The following SNAP25 variants were observed in gnomAD, a reference collection of about 807,000 sequenced individuals.
SNAP25 encodes synaptosomal-associated protein 25.
Under a neutral mutation model 28.7 loss-of-function variants are expected in SNAP25, and 3 were observed. The observed-to-expected ratio is 0.10, with a 90% CI of 0.05 to 0.27. SNAP25 has a LOEUF of 0.27. SNAP25 is among the 10% of genes least tolerant of loss of function. The pLI, the probability that SNAP25 is intolerant of heterozygous loss-of-function variation, is 1.00. For missense variants in SNAP25, 117 were observed against 278.7 expected, an observed-to-expected ratio of 0.42 and a Z score of 4.13; for synonymous variants, 61 against 88.1, an observed-to-expected ratio of 0.69 and a Z score of 1.72.
chr20:10,301,666 C>CT (rs1458971914), intron 7 of SNAP25, among the ~76,000 whole-genome samples: 2 of 151,918 alleles, frequency 1.3e-5, no homozygotes, highest in African/African-American at 4.8e-5. Flanking sequence ...CAACAGCAAC[C>CT]TTTACCCAGC....
intron 7 of SNAP25, among the ~76,000 whole-genome samples, chr20:10,304,882 A>G (rs1455621298): frequency 6.6e-6 from 1 of 152,200 alleles, no homozygotes; most frequent in Non-Finnish European, 1.5e-5. Context: ...ACGGATGCTC[A>G]CAACACTTGA....
chr20:10,223,517 G>A (rs188821319), intron 1 of SNAP25, among the ~76,000 whole-genome samples: 7 of 152,178 alleles, frequency 4.6e-5, no homozygotes, highest in South Asian at 2.1e-4. Flanking sequence ...ACTACCTAGG[G>A]GAAACTTAGA....
chr20:10,279,191 A>C (rs1346021178), intron 3 of SNAP25, among the ~76,000 whole-genome samples: 1 of 152,238 alleles, frequency 6.6e-6, no homozygotes, highest in Non-Finnish European at 1.5e-5. Flanking sequence ...CAAGACTCTT[A>C]GCATGGACTT....
intron 1 of SNAP25, among the ~76,000 whole-genome samples, chr20:10,240,112 A>G (rs1393956322): frequency 6.6e-6 from 1 of 152,060 alleles, no homozygotes; most frequent in East Asian, 1.9e-4. Context: ...TCCACTTCCA[A>G]GCTCATTCAG....
At chr20:10,269,458 A>G (rs1007285840) in intron 1 of SNAP25, among the ~76,000 whole-genome samples, 4 of 152,220 alleles carry the variant, frequency 2.6e-5, no homozygotes, top group African/African-American at 9.6e-5. Flanking sequence ...CCACCTTAGA[A>G]GCTCCATGAA....
Position 10,306,424 on chromosome 20 carries a change from C to T in SNAP25, c.*227C>T. ...TGTACATAGTGGTCATTTGGTGGCT[C>T]TAACTCCTTGAGGTCTTGAGTTTCA... On this transcript the variant is annotated 3_prime_UTR_variant, in exon 8 of 8. Transcript: ENST00000254976. The T allele has an allele frequency of 2.3e-6, 1 of 435,102 alleles. No homozygotes were observed. Among genetic ancestry groups the T allele is most frequent in the Non-Finnish European group, 4.1e-6 (1 of 242,002 alleles). The allele number at this position is 435,102 out of a possible 1,614,324, so 27.0% of individuals were successfully genotyped here. A position where few individuals can be genotyped will look rare whatever the true frequency, so the allele number is the denominator to read the frequency against.
Position 10,306,280 on chromosome 20 carries a change from C to A in SNAP25, c.*83C>A. The A allele has an allele frequency of 1.6e-6, 2 of 1,281,242 alleles. No homozygotes were observed. Among genetic ancestry groups the A allele is most frequent in the South Asian group, 1.2e-5 (1 of 81,446 alleles). 79.4% of individuals were successfully genotyped at this position (1,281,242 alleles called of 1,614,324 possible). A position where few individuals can be genotyped will look rare whatever the true frequency, so the allele number is the denominator to read the frequency against. On this transcript the variant is annotated 3_prime_UTR_variant, in exon 8 of 8. Transcript: ENST00000254976. ...TTTCTCATGGTATTATCTAGTAGGT[C>A]TGCACACATAACACACATCAGTCCA...
intron 1 of SNAP25, among the ~76,000 whole-genome samples, chr20:10,237,907 C>T (rs774592317): frequency 2.1e-4 from 32 of 152,162 alleles, no homozygotes; most frequent in Non-Finnish European, 3.5e-4. Context: ...GCCCCCATAC[C>T]ACCATTTCTC....
chr20:10,227,199 T>C (rs2062748336), intron 1 of SNAP25, among the ~76,000 whole-genome samples: 1 of 152,156 alleles, frequency 6.6e-6, no homozygotes, highest in Non-Finnish European at 1.5e-5. Flanking sequence ...AATTCACCTC[T>C]TACCAATGAG....
chr20:10,228,847 C>T (rs1022903916), intron 1 of SNAP25, among the ~76,000 whole-genome samples: 1 of 152,134 alleles, frequency 6.6e-6, no homozygotes, highest in Non-Finnish European at 1.5e-5. Context: ...CCATATGCTT[C>T]TTTTCCTCTT....
chr20:10,281,700 A>G (rs1360703961), intron 3 of SNAP25, among the ~76,000 whole-genome samples: 2 of 152,180 alleles, frequency 1.3e-5, no homozygotes, highest in Non-Finnish European at 2.9e-5. Context: ...CATCTCTTAC[A>G]ATCATTATTT....
intron 5 of SNAP25, chr20:10,296,709 T>C: frequency 1.7e-6 from 1 of 578,780 alleles, no homozygotes; most frequent in Non-Finnish European, 2.9e-6. Flanking sequence ...AAGATTGCAG[T>C]CCATTGCAAT....
At chr20:10,241,478 C>T (rs891232364) in intron 1 of SNAP25, among the ~76,000 whole-genome samples, 3 of 151,968 alleles carry the variant, frequency 2.0e-5, no homozygotes, top group African/African-American at 4.8e-5. Context: ...TATTTCCTCT[C>T]GGGGTGATTA....
At chr20:10,290,380 TC>T (rs1242932337) in intron 4 of SNAP25, among the ~76,000 whole-genome samples, 3 of 152,232 alleles carry the variant, frequency 2.0e-5, no homozygotes, top group Non-Finnish European at 2.9e-5. Flanking sequence ...TCAACTATTT[TC>T]TGAATAGTTT....
chr20:10,276,711 G>A (rs2063697710), intron 2 of SNAP25, among the ~76,000 whole-genome samples: 2 of 152,198 alleles, frequency 1.3e-5, no homozygotes, highest in Admixed American at 1.3e-4. Context: ...AGTTTTCTGT[G>A]AGAATCAATT....
intron 4 of SNAP25, chr20:10,292,740 A>G (rs1419090340): frequency 1.3e-5 from 8 of 611,444 alleles, no homozygotes; most frequent in Non-Finnish European, 2.3e-5. Context: ...GGGCAGCGGT[A>G]GCAGTCTTCA....
intron 1 of SNAP25, among the ~76,000 whole-genome samples, chr20:10,273,214 TAA>T (rs931076533): frequency 5.3e-5 from 8 of 152,254 alleles, no homozygotes; most frequent in African/African-American, 1.7e-4. Context: ...ATGCAAATAA[TAA>T]TAATAATAAA....
chr20:10,237,224 G>C (rs1490456189), intron 1 of SNAP25, among the ~76,000 whole-genome samples: 1 of 152,090 alleles, frequency 6.6e-6, no homozygotes, highest in Non-Finnish European at 1.5e-5. Flanking sequence ...CTCTCTCAGA[G>C]AGAGTGTACA....
In SNAP25 at chr20:10,244,162, G is replaced by C. The variant is rs1036149304; in HGVS notation, c.-64+25185G>C. Among the ~76,000 whole-genome samples the C allele has an allele frequency of 3.9e-5, 6 of 152,162 alleles. No individual in the cohort carries two copies. The East Asian group carries it at 1.2e-3, about 29-fold the overall frequency. On this transcript the variant is annotated intron_variant, in intron 1 of 7. Transcript: ENST00000254976. The stretch of plus-strand genomic sequence containing the variant: ...ATGCCTATAAGGTTTTGACTATGGT[G>C]CAAACATTCAACAAATGTTCACTAT...
Sources: gnomAD v4.1 joint callset for allele counts (sites outside exome capture counted in the v4.1 genomes callset) on GRCh38, gnomAD v4.1.1 for gene constraint, MANE v1.5 for transcripts, NCBI Gene and HGNC (gene_info 2026-07-23, HGNC 2026-07-21) for gene names.